MAML3: variants seen among roughly 807,000 people sequenced by gnomAD.
MAML3 encodes mastermind-like protein 3.
A neutral mutation model predicts 101.9 loss-of-function variants in MAML3; 27 were observed. The observed-to-expected ratio is 0.27, with a 90% CI of 0.20 to 0.37. The LOEUF is 0.37. MAML3 is among the 10% of genes least tolerant of loss of function. The pLI is 1.00. For missense variants in MAML3, 1,316 were observed against 1,444.9 expected (o/e 0.91, Z 1.45); for synonymous variants, 501 against 555.9 (o/e 0.90, Z 1.39).
chr4:139,852,093 T>C (rs1240608050), intron 2 of MAML3, among the ~76,000 whole-genome samples: 1 of 152,202 alleles, frequency 6.6e-6, no homozygotes, highest in Non-Finnish European at 1.5e-5. Context: ...TACAGATGTA[T>C]AGATTTACAA....
Position 139,785,509 on chromosome 4 carries a change from T to G in MAML3, c.2080-54842A>C, listed in dbSNP as rs962951821. ...TTGTACGGAATGTGGTGATCCCCAC[T>G]GGCAGGAACAGGTTGCATGTGGTTG... On this transcript the variant is annotated intron_variant, in intron 2 of 4. Transcript: ENST00000509479. The surrounding 1 kb of genome is among the most constrained non-coding windows in gnomAD (Gnocchi z 4.3). Among the ~76,000 whole-genome samples the G allele has an allele frequency of 3.9e-5, 6 of 152,300 alleles. No individual in the cohort carries two copies. Among genetic ancestry groups the G allele is most frequent in the African/African-American group, 1.4e-4 (6 of 41,562 alleles).
chr4:139,828,907 A>T (rs1463104083), intron 2 of MAML3, among the ~76,000 whole-genome samples: 2 of 151,180 alleles, frequency 1.3e-5, no homozygotes, highest in Non-Finnish European at 2.9e-5. Flanking sequence ...CAGGAGGTGG[A>T]GGTTGTGGTG....
In MAML3 at chr4:139,869,108, G is replaced by A. The variant is rs576880904; in HGVS notation, c.2079+20249C>T. Among the ~76,000 whole-genome samples the A allele has an allele frequency of 4.6e-5, 7 of 152,308 alleles. No homozygotes were observed. The East Asian group carries it at 1.4e-3, about 29-fold the overall frequency. ...GATTATTTCAATCCCATGTTTGTGT[G>A]GAAAGCATGCAAAGAGAAGATAGAT... On this transcript the variant is annotated intron_variant, in intron 2 of 4. Coordinates refer to ENST00000509479, the MANE Select transcript of MAML3 (RefSeq NM_018717.5).
intron 2 of MAML3, among the ~76,000 whole-genome samples, chr4:139,838,755 C>T (rs1731305687): frequency 6.6e-6 from 1 of 152,050 alleles, no homozygotes; most frequent in African/African-American, 2.4e-5. Flanking sequence ...TCCTTTCATC[C>T]TAGAATAGAA....
intron 1 of MAML3, among the ~76,000 whole-genome samples, chr4:139,947,337 A>G (rs1448405933): frequency 1.3e-5 from 2 of 152,198 alleles, no homozygotes; most frequent in Admixed American, 1.3e-4. Context: ...TCACAGCCCA[A>G]TTCCTAAGTC....
At chr4:140,104,370 A>ATAT (rs1728301526) in intron 1 of MAML3, among the ~76,000 whole-genome samples, 1 of 22,558 alleles carries the variant, frequency 4.4e-5, no homozygotes, top group Non-Finnish European at 8.2e-5. Context: ...TTTTATATAT[A>ATAT]TATATAATAT....
At chr4:139,795,989 G>A (rs1730505536) in intron 2 of MAML3, among the ~76,000 whole-genome samples, 1 of 152,206 alleles carries the variant, frequency 6.6e-6, no homozygotes. Context: ...TAATAATTGA[G>A]GGCATTTGGG....
intron 2 of MAML3, 150 bp from the exon 3 acceptor site, chr4:139,730,817 C>A: frequency 1.4e-6 from 1 of 691,546 alleles, no homozygotes. Context: ...TTTCCATAAA[C>A]GTAGCTTCAA....
intron 1 of MAML3, among the ~76,000 whole-genome samples, chr4:140,068,606 G>T (rs1344068533): frequency 6.6e-6 from 1 of 152,128 alleles, no homozygotes; most frequent in Admixed American, 6.5e-5. Context: ...ATCCTAACCC[G>T]GTCACTTCCA....
At chr4:140,049,307 C>G (rs1014757677) in intron 1 of MAML3, among the ~76,000 whole-genome samples, 5 of 152,170 alleles carry the variant, frequency 3.3e-5, no homozygotes, top group African/African-American at 1.2e-4. Flanking sequence ...ACCCACCGGT[C>G]ACAGACAACG....
chr4:140,045,123 C>T (rs1727160478), intron 1 of MAML3, among the ~76,000 whole-genome samples: 1 of 152,184 alleles, frequency 6.6e-6, no homozygotes, highest in African/African-American at 2.4e-5. Context: ...GGGCCAGGCA[C>T]AGTGGCTCAT....
At chr4:139,816,470 T>C (rs939361464) in intron 2 of MAML3, among the ~76,000 whole-genome samples, 7 of 152,268 alleles carry the variant, frequency 4.6e-5, no homozygotes, top group Admixed American at 2.6e-4. Context: ...GAACAGAGTA[T>C]TGTTTTCTCT....
chr4:140,107,348 G>A (rs1328621738), intron 1 of MAML3, among the ~76,000 whole-genome samples: 1 of 152,046 alleles, frequency 6.6e-6, no homozygotes. Flanking sequence ...TCAGTTACTT[G>A]GGGCTTACAT....
chr4:140,101,620 T>C (rs1363978011), intron 1 of MAML3, among the ~76,000 whole-genome samples: 1 of 152,152 alleles, frequency 6.6e-6, no homozygotes, highest in East Asian at 1.9e-4. Flanking sequence ...AAGAAATGTT[T>C]GTGTCTTCAT....
rs369581914 is a variant in MAML3 at position 139,856,453 on chromosome 4, C to A, written c.2079+32904G>T. ...GACTGACTTTAACTCTCTCCTCTAG[C>A]ATAAAGCAGTTTTCTGGATGGAGAT... On this transcript the variant is annotated intron_variant, in intron 2 of 4. Transcript: ENST00000509479. Among the ~76,000 whole-genome samples the A allele has an allele frequency of 3.8e-4, 58 of 152,292 alleles. No individual in the cohort carries two copies. The South Asian group carries it at 7.5e-3, about 20-fold the overall frequency.
intron 1 of MAML3, among the ~76,000 whole-genome samples, chr4:140,041,445 G>A (rs890633064): frequency 2.8e-4 from 42 of 152,136 alleles, no homozygotes; most frequent in Admixed American, 2.7e-3. Flanking sequence ...CCAACATGGC[G>A]AAACCCCGTC....
rs546232783 is a variant in MAML3 at position 139,773,601 on chromosome 4, A to G, written c.2080-42934T>C. ...GGGGTAGCAGTGAGCACATTACCAA[A>G]AGGCTCAGCGTAAATGGGTACAGAA... On this transcript the variant is annotated intron_variant, in intron 2 of 4. Coordinates refer to ENST00000509479, the MANE Select transcript of MAML3 (RefSeq NM_018717.5). 3.5e-4 allele frequency among the ~76,000 whole-genome samples: 54 copies of G among 152,314 alleles called. No homozygotes were observed. The South Asian group carries it at 0.011, about 30-fold the overall frequency.
At chr4:140,056,310 G>C (rs1027357766) in intron 1 of MAML3, among the ~76,000 whole-genome samples, 1 of 151,732 alleles carries the variant, frequency 6.6e-6, no homozygotes, top group Non-Finnish European at 1.5e-5. Context: ...CCTATTTCAA[G>C]TCCTGGCACA....
intron 2 of MAML3, among the ~76,000 whole-genome samples, chr4:139,746,517 T>C (rs1367324143): frequency 1.3e-5 from 2 of 152,186 alleles, no homozygotes; most frequent in African/African-American, 4.8e-5. Context: ...AAATTACCAC[T>C]GGGCTCTGGA....
Sources: gnomAD v4.1 joint callset for allele counts (sites outside exome capture counted in the v4.1 genomes callset) on GRCh38, gnomAD v4.1.1 for gene constraint, Gnocchi (gnomAD v3.1) non-coding constraint, MANE v1.5 for transcripts, NCBI Gene and HGNC (gene_info 2026-07-23, HGNC 2026-07-21) for gene names.